CLVS1: variants seen among roughly 807,000 people sequenced by gnomAD.
CLVS1 encodes the protein clavesin-1.
In CLVS1, 10 loss-of-function variants were observed where a neutral mutation model predicts 33.1. The observed-to-expected ratio is 0.30, with a 90% confidence interval of 0.19 to 0.51. CLVS1 has a LOEUF of 0.51. CLVS1 is among the 20% of genes least tolerant of loss of function. The pLI is 0.97. For missense variants in CLVS1, 343 were observed against 433.4 expected, an observed-to-expected ratio of 0.79 and a Z score of 1.85; for synonymous variants, 163 against 166.1, an observed-to-expected ratio of 0.98 and a Z score of 0.14.
chr8:61,437,101 A>G lies in CLVS1; in HGVS notation c.631-17040A>G, dbSNP rs150992528. On this transcript the variant is annotated intron_variant, in intron 3 of 5. Coordinates refer to ENST00000325897, the MANE Select transcript of CLVS1 (RefSeq NM_173519.3). Reference sequence around the variant, plus strand: ...AAGGTAAGTTTAGACAAAAATCATTAAATTCCTTTGTGGTACTGCTCCTTT... The same window carrying G: ...AAGGTAAGTTTAGACAAAAATCATTGAATTCCTTTGTGGTACTGCTCCTTT... Among the ~76,000 whole-genome samples, 618 of 152,310 alleles carry G rather than the reference A, an allele frequency of 4.1e-3. 4 individuals carry two copies. The highest frequency in any genetic ancestry group is 0.013 in the African/African-American group (558 of 41,574).
the CLVS1 span, among the ~76,000 whole-genome samples, chr8:61,007,825 G>T: frequency 6.6e-6 from 1 of 152,212 alleles, no homozygotes; most frequent in South Asian, 2.1e-4. Context: ...GACAACGGAA[G>T]GGGGAGGGAA....
the CLVS1 span, among the ~76,000 whole-genome samples, chr8:61,038,703 G>A: frequency 3.3e-5 from 5 of 152,044 alleles, no homozygotes; most frequent in South Asian, 4.1e-4. Flanking sequence ...CAGCCTCCCC[G>A]GTCCTCATTG....
chr8:61,179,172 G>GA (rs1030357969), intron 2 of CLVS1, among the ~76,000 whole-genome samples: 2 of 151,454 alleles, frequency 1.3e-5, no homozygotes, highest in Non-Finnish European at 2.9e-5. Context: ...CAAATGGAAA[G>GA]AAAAAAAAGC....
chr8:61,025,672 G>T, the CLVS1 span, among the ~76,000 whole-genome samples: 1 of 152,106 alleles, frequency 6.6e-6, no homozygotes, highest in Non-Finnish European at 1.5e-5. Context: ...TATCATCAGG[G>T]TCACTTTTGT....
chr8:61,499,788 A>G lies in CLVS1; in HGVS notation c.*246A>G. 3.3e-6 allele frequency: 1 copy of G among 304,188 alleles called. No homozygotes were observed. Among genetic ancestry groups the G allele is most frequent in the Non-Finnish European group, 6.1e-6 (1 of 164,200 alleles). 18.8% of individuals were successfully genotyped at this position (304,188 alleles called of 1,614,324 possible). ...GAGGATGATGCAAGGCATTTATGTA[A>G]AAAAGATTCTCCCTCCTTTCATATT... On this transcript the variant is annotated 3_prime_UTR_variant, in exon 6 of 6. Coordinates refer to ENST00000325897, the MANE Select transcript of CLVS1 (RefSeq NM_173519.3).
intron 2 of CLVS1, among the ~76,000 whole-genome samples, chr8:61,186,046 G>A (rs1235283605): frequency 6.6e-6 from 1 of 152,154 alleles, no homozygotes; most frequent in East Asian, 1.9e-4. Flanking sequence ...AGGGCTAACA[G>A]GGGTAGGGGA....
In CLVS1 at chr8:61,236,515, G is replaced by A. The variant is rs1289673862; in HGVS notation, c.-151-63162G>A. ...CTCGCTTGCTCAGACGTCCCCCTGG[G>A]ACCCAGAAGTCTAACCAACAACAGA... On this transcript the variant is annotated intron_variant, in intron 2 of 2. Coordinates refer to the CLVS1 transcript ENST00000522621. Among the ~76,000 whole-genome samples, 3 of 152,138 alleles carry A rather than the reference G, an allele frequency of 2.0e-5. No homozygotes were observed. The East Asian group carries it at 5.8e-4, about 29-fold the overall frequency.
Position 61,227,646 on chromosome 8 carries a change from A to G in CLVS1, c.-151-72031A>G, listed in dbSNP as rs55992551. 4.3e-3 allele frequency among the ~76,000 whole-genome samples: 648 copies of G among 152,308 alleles called. 6 individuals are homozygous for G. Among genetic ancestry groups the G allele is most frequent in the African/African-American group, 0.015 (607 of 41,574 alleles). On this transcript the variant is annotated intron_variant, in intron 2 of 2. Transcript: ENST00000522621. ...TGTTTACCTTTTTGCTGTTGTGATC[A>G]TGTTTAAATGGAGACAGTGAGAGAG...
chr8:61,358,621 A>G (rs1357066391), intron 2 of CLVS1, among the ~76,000 whole-genome samples: 1 of 152,212 alleles, frequency 6.6e-6, no homozygotes, highest in African/African-American at 2.4e-5. Context: ...ACAAACAAAC[A>G]AACAAAAAAC....
At chr8:61,218,476 GA>G (rs1808138468) in intron 2 of CLVS1, among the ~76,000 whole-genome samples, 1 of 151,938 alleles carries the variant, frequency 6.6e-6, no homozygotes, top group Admixed American at 6.6e-5. Flanking sequence ...GTAAAAAGTA[GA>G]ACAGAATATA....
the CLVS1 span, among the ~76,000 whole-genome samples, chr8:61,000,726 A>C: frequency 6.6e-6 from 1 of 152,182 alleles, no homozygotes; most frequent in African/African-American, 2.4e-5. Flanking sequence ...TTTTCCTGCA[A>C]GTCAAGCCAG....
intron 3 of CLVS1, among the ~76,000 whole-genome samples, chr8:61,437,865 A>G (rs1036084568): frequency 6.6e-6 from 1 of 152,218 alleles, no homozygotes; most frequent in African/African-American, 2.4e-5. Flanking sequence ...GATGGTCAAC[A>G]GTTCAAATTT....
At chr8:61,141,817 G>T (rs1012149340) in intron 2 of CLVS1, among the ~76,000 whole-genome samples, 1 of 152,334 alleles carries the variant, frequency 6.6e-6, no homozygotes, top group Admixed American at 6.5e-5. Flanking sequence ...GCCAGTCTCT[G>T]CTGGTGACGT....
At chr8:61,251,047 G>A (rs1037677686) in intron 2 of CLVS1, among the ~76,000 whole-genome samples, 6 of 152,106 alleles carry the variant, frequency 3.9e-5, no homozygotes, top group Admixed American at 3.3e-4. Context: ...TATTGGCTGT[G>A]GGTTTGTCAT....
intron 3 of CLVS1, among the ~76,000 whole-genome samples, chr8:61,386,746 A>T (rs1038226398): frequency 6.6e-6 from 1 of 152,226 alleles, no homozygotes; most frequent in Admixed American, 6.5e-5. Context: ...AAATACAAGG[A>T]TGCTGCTGAT....
Position 61,451,810 on chromosome 8 carries a change from C to CAG in CLVS1, c.631-2330_631-2329insGA, listed in dbSNP as rs545429020. Reference sequence around the variant, plus strand: ...CCCCTCTGTACAAAACACACACACACACAGAGAGAGAGAGAGAGAGAGAGA... The same window carrying CAG: ...CCCCTCTGTACAAAACACACACACACAGACAGAGAGAGAGAGAGAGAGAGAGA... On this transcript the variant is annotated intron_variant, in intron 3 of 5. Transcript: ENST00000325897. 4.1e-3 allele frequency among the ~76,000 whole-genome samples: 567 copies of CAG among 137,454 alleles called. 4 individuals are homozygous for CAG. Among genetic ancestry groups the CAG allele is most frequent in the African/African-American group, 8.3e-3 (257 of 30,876 alleles). The allele number at this position is 137,454 out of a possible 152,430, so 90.2% of individuals were successfully genotyped here.
intron 2 of CLVS1, among the ~76,000 whole-genome samples, chr8:61,271,159 T>G (rs994773843): frequency 1.1e-4 from 16 of 146,078 alleles, no homozygotes; most frequent in Non-Finnish European, 2.1e-4. Context: ...TTTAGTGCTA[T>G]AAATTTCCCT....
In CLVS1 at chr8:61,300,186, G is replaced by C. The variant is rs1398843486; in HGVS notation, c.359G>C (p.Arg120Thr). 2 of 1,614,006 alleles carry C rather than the reference G, an allele frequency of 1.2e-6. No homozygotes were observed. The highest frequency in any genetic ancestry group is 1.7e-6 in the Non-Finnish European group (2 of 1,179,966). The stretch of plus-strand genomic sequence containing the variant: ...AAGGCAGATGATCCCGGCATTAAGA[G>C]GGCTCTGATCGATGGGTTCCCCGGG... ...NFKADDPGIK[R>T]ALIDGFPGVL... Residue 120 changes from arginine to threonine, a missense_variant, in exon 2 of 6, where the codon AGG becomes ACG. By Grantham distance (71) the Arg-to-Thr change is moderately conservative. Around this residue, in one of 4 missense-constraint regions of CLVS1, gnomAD observed 166 missense variants for 244.0 expected, o/e 0.68. Transcript: ENST00000325897.
At chr8:61,351,141 A>G (rs917843491) in intron 2 of CLVS1, among the ~76,000 whole-genome samples, 2 of 152,112 alleles carry the variant, frequency 1.3e-5, no homozygotes, top group Admixed American at 6.6e-5. Flanking sequence ...GATGTTCTAA[A>G]TAGGACCATA....
Sources: gnomAD v4.1 joint callset for allele counts (sites outside exome capture counted in the v4.1 genomes callset) on GRCh38, gnomAD v4.1.1 for gene constraint, gnomAD v4.1.1 regional missense constraint, MANE v1.5 for transcripts, NCBI Gene and HGNC (gene_info 2026-07-23, HGNC 2026-07-21) for gene names.